The following MFSD11 variants were observed in gnomAD, a reference collection of about 807,000 sequenced individuals.
The protein encoded by MFSD11 is major facilitator superfamily domain containing 11.
A neutral mutation model predicts 53.5 loss-of-function variants in MFSD11; 36 were observed. The observed-to-expected ratio is 0.67, with a 90% CI of 0.52 to 0.89. The LOEUF (loss-of-function observed/expected upper bound fraction) is 0.89. MFSD11 is among the 40% of genes least tolerant of loss of function. The pLI, the probability that MFSD11 is intolerant of heterozygous loss-of-function variation, is 0.00. For synonymous variants in MFSD11, 186 were observed against 184.9 expected (o/e 1.01, Z -0.05); for missense variants, 530 against 543.9 (o/e 0.97, Z 0.25).
intron 10 of MFSD11, among the ~76,000 whole-genome samples, chr17:76,774,273 AAGAC>A (rs1446791409): frequency 2.6e-5 from 4 of 151,940 alleles, no homozygotes; most frequent in African/African-American, 9.7e-5. Flanking sequence ...TTTTTTAAAA[AAGAC>A]AGCGTCTTGC....
rs73999410 is a variant in MFSD11 at position 76,767,690 on chromosome 17, C to T, written c.748+239C>T. ...TAGTCTCAGAGCTGCTCTCCATCTC[C>T]ACGACCCCCTCCATAAGATCACCTT... On this transcript the variant is annotated intron_variant, in intron 9 of 12. Coordinates refer to ENST00000685175, the MANE Select transcript of MFSD11 (RefSeq NM_001242532.5). 1.6e-3 allele frequency among the ~76,000 whole-genome samples: 242 copies of T among 152,030 alleles called. 2 individuals are homozygous for T. Among genetic ancestry groups the T allele is most frequent in the African/African-American group, 5.5e-3 (229 of 41,468 alleles).
At chr17:76,797,743 GAC>G in the MFSD11 span, among the ~76,000 whole-genome samples, 5 of 151,950 alleles carry the variant, frequency 3.3e-5, no homozygotes, top group African/African-American at 9.7e-5. Flanking sequence ...AAATGCCTCT[GAC>G]ACTACCCCCA....
At position 76,742,267 on chromosome 17, in the gene MFSD11, A is replaced by G. The variant is rs769763636; in HGVS notation, c.431A>G (p.Gln144Arg). Residue 144 changes from glutamine to arginine, a missense_variant, in exon 5 of 13, where the codon CAG (glutamine) becomes CGG (arginine). By Grantham distance (43) the Gln-to-Arg change is conservative. Coordinates refer to ENST00000685175, the MANE Select transcript of MFSD11 (RefSeq NM_001242532.5). ...RNSGIFWALLQSSLFFGNLYI... is the reference protein window; with the variant it reads ...RNSGIFWALLRSSLFFGNLYI... ...AGTGGGATTTTCTGGGCACTTCTGCAGTCTAGGTAATTATCCTTTTGAGGT... is the reference window on the plus strand; with the variant it reads ...AGTGGGATTTTCTGGGCACTTCTGCGGTCTAGGTAATTATCCTTTTGAGGT... The G allele has an allele frequency of 2.5e-6, 4 of 1,612,936 alleles. No individual in the cohort carries two copies. The highest frequency in any genetic ancestry group is 2.5e-6 in the Non-Finnish European group (3 of 1,178,974).
chr17:76,741,720 G>A (rs1415884631), intron 3 of MFSD11, among the ~76,000 whole-genome samples: 1 of 152,130 alleles, frequency 6.6e-6, no homozygotes, highest in African/African-American at 2.4e-5. Flanking sequence ...CCCAGGAGGT[G>A]GAGGTTGCAG....
chr17:76,752,326 A>G (rs1291865739), intron 7 of MFSD11, among the ~76,000 whole-genome samples: 2 of 152,116 alleles, frequency 1.3e-5, no homozygotes, highest in East Asian at 3.9e-4. Flanking sequence ...ATACGTTTTA[A>G]GCTTTGGAGC....
chr17:76,792,121 A>AC, the MFSD11 span, among the ~76,000 whole-genome samples: 1 of 124,104 alleles, frequency 8.1e-6, no homozygotes, highest in African/African-American at 3.7e-5. Context: ...CATACCAGGC[A>AC]CCCTTTTTTT....
At chr17:76,765,352 G>A (rs1193725345) in intron 8 of MFSD11, among the ~76,000 whole-genome samples, 3 of 150,814 alleles carry the variant, frequency 2.0e-5, no homozygotes, top group Admixed American at 1.3e-4. Context: ...CCAGTACCAT[G>A]CTGTGTTGAA....
chr17:76,791,156 T>TAGAA, the MFSD11 span, among the ~76,000 whole-genome samples: 1 of 148,688 alleles, frequency 6.7e-6, no homozygotes, highest in African/African-American at 2.5e-5. Flanking sequence ...ACTGGTTTTC[T>TAGAA]GAGCTGCTAT....
intron 8 of MFSD11, 179 bp from the exon 9 acceptor site, chr17:76,767,207 C>T (rs879584868): frequency 2.6e-5 from 13 of 503,516 alleles, no homozygotes; most frequent in Non-Finnish European, 4.2e-5. Flanking sequence ...TTGAAATAAA[C>T]GTTTTATTTA....
chr17:76,774,642 T>C (rs1477719851), intron 10 of MFSD11, among the ~76,000 whole-genome samples: 1 of 152,308 alleles, frequency 6.6e-6, no homozygotes, highest in East Asian at 1.9e-4. Flanking sequence ...TACCTTGGCT[T>C]GTTTGGCTAT....
downstream of MFSD11, among the ~76,000 whole-genome samples, chr17:76,785,054 C>T (rs1413715191): frequency 6.6e-6 from 1 of 152,162 alleles, no homozygotes; most frequent in African/African-American, 2.4e-5. Flanking sequence ...TTCACAATTA[C>T]CTAACAGTGG....
At chr17:76,793,291 G>A in the MFSD11 span, among the ~76,000 whole-genome samples, 1 of 151,274 alleles carries the variant, frequency 6.6e-6, no homozygotes, top group Non-Finnish European at 1.5e-5. Flanking sequence ...ACACCCAAGG[G>A]GGCCATTTTA....
chr17:76,754,184 C>A, intron 8 of MFSD11, 97 bp downstream of exon 8: 3 of 927,530 alleles, frequency 3.2e-6, no homozygotes, highest in East Asian at 2.5e-5. Flanking sequence ...TGATGACACC[C>A]CAGGGTTTGC....
chr17:76,786,571 C>T, the MFSD11 span, among the ~76,000 whole-genome samples: 2 of 152,172 alleles, frequency 1.3e-5, no homozygotes, highest in Non-Finnish European at 2.9e-5. Flanking sequence ...ATACAGGAAT[C>T]CAGACACAGG....
At chr17:76,736,783 C>A (rs1312005265), upstream of MFSD11, 2 of 1,514,788 alleles carry the variant, frequency 1.3e-6, no homozygotes, top group Admixed American at 2.1e-5. Context: ...CCCGCGGTCC[C>A]CTCAGCCCCG....
chr17:76,778,053 C>A, intron 12 of MFSD11, 135 bp from the exon 13 acceptor site: 1 of 767,274 alleles, frequency 1.3e-6, no homozygotes, highest in Non-Finnish European at 2.1e-6. Flanking sequence ...GGAAGTCATA[C>A]CTTGATGCAG....
chr17:76,750,655 C>T (rs774160070), intron 7 of MFSD11, among the ~76,000 whole-genome samples: 35 of 151,918 alleles, frequency 2.3e-4, no homozygotes, highest in Middle Eastern at 3.4e-3. Flanking sequence ...CGCGCCTGGC[C>T]GAGCTTTAGA....
downstream of MFSD11, among the ~76,000 whole-genome samples, chr17:76,781,702 G>T (rs907148299): frequency 2.0e-5 from 3 of 152,156 alleles, no homozygotes; most frequent in Admixed American, 1.3e-4. Context: ...AGGATTCCTG[G>T]TGATTATTGT....
intron 10 of MFSD11, among the ~76,000 whole-genome samples, chr17:76,770,693 G>T (rs1275639518): frequency 6.6e-6 from 1 of 152,154 alleles, no homozygotes; most frequent in East Asian, 1.9e-4. Flanking sequence ...TTGATAATTT[G>T]CTAGAGCAAC....
Sources: allele counts gnomAD v4.1 joint callset (sites outside exome capture counted in the v4.1 genomes callset), GRCh38; gene constraint gnomAD v4.1.1; transcripts MANE v1.5; gene names NCBI Gene and HGNC (gene_info 2026-07-23, HGNC 2026-07-21).